The following MAP3K14 variants were observed in gnomAD, a reference collection of about 807,000 sequenced individuals.
MAP3K14 encodes NF-kappa-beta-inducing kinase.
In MAP3K14, 16 loss-of-function variants were observed where a neutral mutation model predicts 99.2. The observed-to-expected ratio is 0.16, with a 90% CI of 0.11 to 0.24. The LOEUF (loss-of-function observed/expected upper bound fraction) is 0.24, where lower values mean the gene tolerates loss of function less well. Ranked by LOEUF, MAP3K14 falls within the 10% of genes least tolerant of loss-of-function variation. The pLI is 1.00. For missense variants in MAP3K14, 784 were observed against 1,208.7 expected (o/e 0.65, Z 5.21); for synonymous variants, 462 against 492.4 (o/e 0.94, Z 0.82).
At chr17:45,285,067 T>C (rs1406191111) in intron 5 of MAP3K14, 118 bp from the exon 6 acceptor site, 16 of 1,157,286 alleles carry the variant, frequency 1.4e-5, no homozygotes, top group Non-Finnish European at 1.9e-5. Context: ...AGCTGAGCCC[T>C]CACAACCAGG....
intron 1 of MAP3K14, among the ~76,000 whole-genome samples, chr17:45,296,619 C>A (rs978594567): frequency 6.6e-6 from 1 of 152,210 alleles, no homozygotes; most frequent in Non-Finnish European, 1.5e-5. Context: ...TCTGGCGAGG[C>A]AGACTCAGAA....
intron 1 of MAP3K14, among the ~76,000 whole-genome samples, chr17:45,292,774 A>G (rs2044320294): frequency 6.6e-6 from 1 of 152,212 alleles, no homozygotes; most frequent in Non-Finnish European, 1.5e-5. Flanking sequence ...GAACAGACCA[A>G]AAAGTCTCCA....
chr17:45,289,919 C>T lies in MAP3K14; in HGVS notation c.256+571G>A, dbSNP rs182560772. Among the ~76,000 whole-genome samples the T allele has an allele frequency of 4.9e-4, 75 of 152,262 alleles. No individual in the cohort carries two copies. In the East Asian group the frequency reaches 7.2e-3, roughly 15 times the overall value. ...AGGACTCCCGGCCCTACCCAGGCCT[C>T]GTGGGAGTTTCTGTCTCCAAGGGAA... On this transcript the variant is annotated intron_variant, in intron 2 of 15. Transcript: ENST00000344686.
chr17:45,271,690 C>T (rs1311158185), intron 9 of MAP3K14, among the ~76,000 whole-genome samples: 1 of 152,160 alleles, frequency 6.6e-6, no homozygotes, highest in Non-Finnish European at 1.5e-5. Flanking sequence ...CCAAGTCAGA[C>T]TTGTAGGGAG....
In MAP3K14 at chr17:45,267,801, GCA is replaced by G. The variant is rs1567986750; in HGVS notation, c.1973-44_1973-43del. On this transcript the variant is annotated intron_variant, in intron 11 of 15. Coordinates refer to ENST00000344686, the MANE Select transcript of MAP3K14 (RefSeq NM_003954.5). The surrounding 1 kb of genome is among the most constrained non-coding windows in gnomAD (Gnocchi z 5.1). ...ACAATGGTGAGGGGAAGCGTGCTGT[GCA>G]CAGACAGCGGTCCAGGCAGGAGCGG... 6.5e-7 allele frequency: 1 copy of G among 1,542,946 alleles called. No individual in the cohort carries two copies. The highest frequency in any genetic ancestry group is 1.1e-5 in the South Asian group (1 of 87,794).
At chr17:45,283,791 C>T (rs1009605640) in intron 6 of MAP3K14, among the ~76,000 whole-genome samples, 3 of 152,198 alleles carry the variant, frequency 2.0e-5, no homozygotes, top group African/African-American at 7.2e-5. Context: ...CAAGGTATAT[C>T]TCAGAGCTTA....
At chr17:45,298,462 A>G (rs1296829177) in intron 1 of MAP3K14, among the ~76,000 whole-genome samples, 3 of 152,268 alleles carry the variant, frequency 2.0e-5, no homozygotes, top group South Asian at 2.1e-4. Context: ...AAACAAAACA[A>G]AATTATCCAG....
At chr17:45,284,265 AG>A (rs1470027026) in intron 6 of MAP3K14, among the ~76,000 whole-genome samples, 1 of 152,226 alleles carries the variant, frequency 6.6e-6, no homozygotes, top group African/African-American at 2.4e-5. Flanking sequence ...CCACCCGGCC[AG>A]TGACTTCCTG....
At position 45,286,667 on chromosome 17, in the gene MAP3K14, A is replaced by G. The variant is rs766805198; in HGVS notation, c.916T>C (p.Cys306Arg). ...LPDPHLSKLA[C>R]VDSPKPLPGP... ...GGCAGGGGCTTTGGACTGTCTACAC[A>G]GGCCAGTTTGCTCAGGTGTGGGTCA... Residue 306 changes from cysteine (C) to arginine (R), a missense_variant, in exon 5 of 16, where the codon TGT becomes CGT. By Grantham distance (180) the Cys-to-Arg change is radical. Transcript: ENST00000344686. This position sits in a 1 kb window ranked among gnomAD's most constrained non-coding sequence, Gnocchi z 4.1. The G allele has an allele frequency of 4.5e-5, 73 of 1,610,212 alleles. No homozygotes were observed. Among genetic ancestry groups the G allele is most frequent in the Non-Finnish European group, 5.9e-5 (69 of 1,178,494 alleles).
intron 9 of MAP3K14, among the ~76,000 whole-genome samples, chr17:45,273,291 C>T (rs551882713): frequency 6.6e-6 from 1 of 152,272 alleles, no homozygotes; most frequent in Admixed American, 6.5e-5. Context: ...CTTCTCTTCC[C>T]TGTGTACAGG....
chr17:45,276,837 T>TA (rs2044184269), intron 6 of MAP3K14, among the ~76,000 whole-genome samples: 1 of 138,266 alleles, frequency 7.2e-6, no homozygotes, highest in Non-Finnish European at 1.6e-5. Context: ...TTTTTTTTTT[T>TA]TTTTTTTTTG....
chr17:45,292,844 T>G (rs1052795720), intron 1 of MAP3K14, among the ~76,000 whole-genome samples: 6 of 152,184 alleles, frequency 3.9e-5, no homozygotes, highest in African/African-American at 1.4e-4. Context: ...CCTCCTCATT[T>G]CTATTTGAAG....
At chr17:45,279,201 C>G (rs1426714038) in intron 6 of MAP3K14, among the ~76,000 whole-genome samples, 1 of 152,214 alleles carries the variant, frequency 6.6e-6, no homozygotes, top group Non-Finnish European at 1.5e-5. Flanking sequence ...GTGATCTCGG[C>G]TCACCGCAAC....
At chr17:45,302,578 G>A (rs984971427) in intron 1 of MAP3K14, among the ~76,000 whole-genome samples, 1 of 152,136 alleles carries the variant, frequency 6.6e-6, no homozygotes, top group East Asian at 1.9e-4. Flanking sequence ...AAAGTGCTGC[G>A]ATTACAGGCA....
chr17:45,310,693 A>G (rs1339597621), intron 1 of MAP3K14, among the ~76,000 whole-genome samples: 1 of 152,046 alleles, frequency 6.6e-6, no homozygotes, highest in Non-Finnish European at 1.5e-5. Flanking sequence ...GTGGGTTTGG[A>G]CCCCTGTAAT....
At chr17:45,302,310 T>C (rs1281328985) in intron 1 of MAP3K14, among the ~76,000 whole-genome samples, 2 of 152,130 alleles carry the variant, frequency 1.3e-5, no homozygotes, top group African/African-American at 2.4e-5. Flanking sequence ...ATTTTTATTA[T>C]TGTTATTATT....
chr17:45,302,193 GC>G (rs2044394514), intron 1 of MAP3K14, among the ~76,000 whole-genome samples: 1 of 151,798 alleles, frequency 6.6e-6, no homozygotes, highest in African/African-American at 2.4e-5. Flanking sequence ...CAGAAGGGGT[GC>G]CATTGAAAAG....
intron 1 of MAP3K14, among the ~76,000 whole-genome samples, chr17:45,309,314 T>C (rs1201487268): frequency 2.6e-5 from 4 of 152,188 alleles, no homozygotes; most frequent in African/African-American, 7.2e-5. Flanking sequence ...CGCCTGACAG[T>C]GCTGGCTCAG....
At chr17:45,265,576 T>A (rs2044072130) in intron 14 of MAP3K14, among the ~76,000 whole-genome samples, 1 of 152,216 alleles carries the variant, frequency 6.6e-6, no homozygotes, top group Non-Finnish European at 1.5e-5. Flanking sequence ...TAGCTGGGAT[T>A]ACAGGCATGC....
Sources: gnomAD v4.1 joint callset for allele counts (sites outside exome capture counted in the v4.1 genomes callset) on GRCh38, gnomAD v4.1.1 for gene constraint, Gnocchi (gnomAD v3.1) non-coding constraint, MANE v1.5 for transcripts, NCBI Gene and HGNC (gene_info 2026-07-23, HGNC 2026-07-21) for gene names.